The following TNFRSF14 variants were observed in gnomAD, a reference collection of about 807,000 sequenced individuals.
TNFRSF14 encodes the protein TNF receptor superfamily member 14.
In TNFRSF14, 18 loss-of-function variants were observed where a neutral mutation model predicts 34.1. The ratio of observed to expected loss-of-function variants is 0.53; its 90% CI spans 0.36 to 0.78. The LOEUF (loss-of-function observed/expected upper bound fraction) is 0.78. TNFRSF14 is among the 30% of genes least tolerant of loss of function. TNFRSF14 has a pLI of 0.00. For synonymous variants in TNFRSF14, 157 were observed against 153.2 expected (o/e 1.02, Z -0.18); for missense variants, 352 against 379.5 (o/e 0.93, Z 0.60).
rs551341293 is a variant in TNFRSF14, at chr1:2,561,196, G to A, written c.552-477G>A. ...GCTGGGGTCCCCCAGCGGAGCCTGG[G>A]ATGGAGCAGGGATGGCTGCCCCAGG... On this transcript the variant is annotated intron_variant, in intron 5 of 7. Transcript: ENST00000355716. This position sits in a 1 kb window ranked among gnomAD's most constrained non-coding sequence, Gnocchi z 6.0. The A allele has an allele frequency of 2.5e-6, 1 of 400,776 alleles. No individual in the cohort carries two copies. The highest frequency in any genetic ancestry group is 4.1e-5 in the Admixed American group (1 of 24,610). The allele number at this position is 400,776 out of a possible 1,614,324, so 24.8% of individuals were successfully genotyped here.
intron 3 of TNFRSF14, chr1:2,558,838 C>T (rs1321652548): frequency 7.6e-7 from 1 of 1,323,600 alleles, no homozygotes; most frequent in South Asian, 1.4e-5. Flanking sequence ...GGCACTCGGG[C>T]CTGCTGCTTC....
intron 1 of TNFRSF14, chr1:2,556,988 C>T (rs917886699): frequency 1.5e-5 from 7 of 461,016 alleles, no homozygotes; most frequent in South Asian, 8.9e-5. Context: ...ACTCCGTCCA[C>T]GGGCAGCTGG....
intron 7 of TNFRSF14, 58 bp downstream of exon 7, chr1:2,562,954 C>CA: frequency 1.3e-6 from 2 of 1,554,968 alleles, no homozygotes; most frequent in Non-Finnish European, 1.8e-6. Flanking sequence ...CCCCTCTCCC[C>CA]GCTGGGGCTG....
chr1:2,563,111 T>G, intron 7 of TNFRSF14, 37 bp from the exon 8 acceptor site: 1 of 1,610,088 alleles, frequency 6.2e-7, no homozygotes, highest in Admixed American at 1.7e-5. Context: ...CAGGGGGGCC[T>G]GAGCAGGCAG....
chr1:2,561,734 T>C lies in TNFRSF14; in HGVS notation c.613T>C (p.Phe205Leu). 1 of 1,613,512 alleles carries C rather than the reference T, an allele frequency of 6.2e-7. No homozygotes were observed. Among genetic ancestry groups the C allele is most frequent in the Non-Finnish European group, 8.5e-7 (1 of 1,179,968 alleles). The change falls in exon 6 of 8, where the codon TTT becomes CTT. Residue 205 changes from phenylalanine to leucine, a missense_variant. Transcript: ENST00000355716. The surrounding 1 kb of genome is among the most constrained non-coding windows in gnomAD (Gnocchi z 6.0). ...GTSSSHWVWW[F>L]LSGSLVIVIV... ...CAGCAGCTCCCACTGGGTATGGTGG[T>C]TTCTCTCAGGGAGCCTCGTCATCGT...
In TNFRSF14 at chr1:2,556,559, C is replaced by G. The variant is rs774960423; in HGVS notation, c.-106C>G. ...TCACACCGAGGCGGATTCTCTTTCT[C>G]TTTCTCTTTCTCTTCTGGCCCACAG... On this transcript the variant is annotated 5_prime_UTR_variant, in exon 1 of 8. Transcript: ENST00000355716. 14 of 1,159,014 alleles carry G rather than the reference C, an allele frequency of 1.2e-5. No individual in the cohort carries two copies. The highest frequency in any genetic ancestry group is 1.8e-5 in the Non-Finnish European group (14 of 789,442). The allele number at this position is 1,159,014 out of a possible 1,614,324, so 71.8% of individuals were successfully genotyped here.
chr1:2,563,045 A>G, intron 7 of TNFRSF14, 103 bp from the exon 8 acceptor site: 1 of 1,587,192 alleles, frequency 6.3e-7, no homozygotes, highest in Non-Finnish European at 8.6e-7. Context: ...TAGCTCAGGA[A>G]AGAACCCACC....
At position 2,556,493 on chromosome 1, in the gene TNFRSF14, C is replaced by T; in HGVS notation, c.-172C>T. On this transcript the variant is annotated 5_prime_UTR_variant, in exon 1 of 8. Transcript: ENST00000355716. ...CCTCTCTGCTGCCAGACACCCCCTGCTGCCCACTCTCCTGCTGCTCGGGTT... is the reference window on the plus strand; with the variant it reads ...CCTCTCTGCTGCCAGACACCCCCTGTTGCCCACTCTCCTGCTGCTCGGGTT... 1 of 737,410 alleles carries T rather than the reference C, an allele frequency of 1.4e-6. No individual in the cohort carries two copies. The highest frequency in any genetic ancestry group is 2.7e-5 in the East Asian group (1 of 37,444). 45.7% of individuals were successfully genotyped at this position (737,410 alleles called of 1,614,324 possible).
At chr1:2,563,033 G>A (rs1233766724) in intron 7 of TNFRSF14, 115 bp from the exon 8 acceptor site, 7 of 1,571,608 alleles carry the variant, frequency 4.5e-6, no homozygotes, top group Middle Eastern at 1.7e-4. Context: ...GTACAGCCAC[G>A]GTAGCTCAGG....
intron 7 of TNFRSF14, 30 bp downstream of exon 7, chr1:2,562,926 C>T (rs374358264): frequency 1.9e-6 from 3 of 1,599,200 alleles, no homozygotes; most frequent in African/African-American, 1.3e-5. Flanking sequence ...TCTCCCTCCC[C>T]CCTCCACCTT....
intron 4 of TNFRSF14, among the ~76,000 whole-genome samples, chr1:2,560,271 T>C (rs1037676996): frequency 6.6e-6 from 1 of 152,146 alleles, no homozygotes; most frequent in South Asian, 2.1e-4. Context: ...GTCTGGAGCC[T>C]GGGTTTATGG....
rs1023678517 is a variant in TNFRSF14, at chr1:2,561,198, T to G, written c.552-475T>G. ...TGGGGTCCCCCAGCGGAGCCTGGGA[T>G]GGAGCAGGGATGGCTGCCCCAGGGA... On this transcript the variant is annotated intron_variant, in intron 5 of 7. Coordinates refer to ENST00000355716, the MANE Select transcript of TNFRSF14 (RefSeq NM_003820.4). This position sits in a 1 kb window ranked among gnomAD's most constrained non-coding sequence, Gnocchi z 6.0. The G allele has an allele frequency of 4.8e-5, 19 of 394,774 alleles. No individual in the cohort carries two copies. Among genetic ancestry groups the G allele is most frequent in the African/African-American group, 3.2e-4 (16 of 49,258 alleles). The allele number at this position is 394,774 out of a possible 1,614,324, so 24.5% of individuals were successfully genotyped here.
At chr1:2,556,367 C>G, upstream of TNFRSF14, 2 of 654,328 alleles carry the variant, frequency 3.1e-6, no homozygotes, top group Non-Finnish European at 5.6e-6. Context: ...CGGGCGCCTC[C>G]TTCATACCGG....
Position 2,561,791 on chromosome 1 carries a change from T to A in TNFRSF14, c.670T>A (p.Cys224Ser). The A allele has an allele frequency of 6.2e-7, 1 of 1,613,838 alleles. No homozygotes were observed. Among genetic ancestry groups the A allele is most frequent in the Non-Finnish European group, 8.5e-7 (1 of 1,179,976 alleles). Residue 224 changes from cysteine (C) to serine (S), a missense_variant, in exon 6 of 8, where the codon TGT becomes AGT. Coordinates refer to ENST00000355716, the MANE Select transcript of TNFRSF14 (RefSeq NM_003820.4). The surrounding 1 kb of genome is among the most constrained non-coding windows in gnomAD (Gnocchi z 6.0). ...TTGCTCCACAGTTGGCCTAATCATA[T>A]GTGTGAAAAGAAGAAAGCCAAGGGG... The part of the protein sequence containing the change: ...IVCSTVGLII[C>S]VKRRKPRGDV...
intron 3 of TNFRSF14, chr1:2,558,687 G>A (rs1644256882): frequency 8.7e-7 from 1 of 1,145,726 alleles, no homozygotes; most frequent in Non-Finnish European, 1.2e-6. Flanking sequence ...GTCACCGCCA[G>A]GTGGGCCATC....
chr1:2,557,137 A>G (rs1274532394), intron 1 of TNFRSF14: 1 of 235,406 alleles, frequency 4.2e-6, no homozygotes, highest in East Asian at 8.6e-5. Flanking sequence ...AGTGTGCAGC[A>G]GGGGGCTGGA....
At chr1:2,560,059 G>A (rs536649354) in intron 4 of TNFRSF14, 81 bp downstream of exon 4, 4 of 1,453,338 alleles carry the variant, frequency 2.8e-6, no homozygotes, top group East Asian at 2.5e-5. Context: ...AGGTTTCCTC[G>A]ACGGCATGGC....
In TNFRSF14 at chr1:2,563,085, C is replaced by G. The variant is rs192459939; in HGVS notation, c.727-63C>G. 2.5e-6 allele frequency: 4 copies of G among 1,603,192 alleles called. No individual in the cohort carries two copies. In the African/African-American group the frequency reaches 5.4e-5, roughly 22 times the overall value. On this transcript the variant is annotated intron_variant, in intron 7 of 7. Coordinates refer to ENST00000355716, the MANE Select transcript of TNFRSF14 (RefSeq NM_003820.4). ...CAAACTGAAAGCAGTAAAATGAACC[C>G]GAGAACCTGGAGTCCCAGGGGGGCC... is the stretch of plus-strand genomic sequence containing the variant.
chr1:2,556,199 T>A, upstream of TNFRSF14: 2 of 426,990 alleles, frequency 4.7e-6, no homozygotes, highest in Non-Finnish European at 9.0e-6. Flanking sequence ...GGCCCCTTTA[T>A]TCGGCAAAAA....
Sources: gnomAD v4.1 joint callset for allele counts (sites outside exome capture counted in the v4.1 genomes callset) on GRCh38, gnomAD v4.1.1 for gene constraint, Gnocchi (gnomAD v3.1) non-coding constraint, MANE v1.5 for transcripts, NCBI Gene and HGNC (gene_info 2026-07-23, HGNC 2026-07-21) for gene names.